CPA6: variants seen among roughly 807,000 people sequenced by gnomAD.
The protein encoded by CPA6 is carboxypeptidase A6.
In CPA6, 58 loss-of-function variants were observed where a neutral mutation model predicts 63.3. That is an observed-to-expected ratio of 0.92 (90% CI 0.74 to 1.14). The LOEUF (loss-of-function observed/expected upper bound fraction) is 1.14, where lower values mean the gene tolerates loss of function less well. Among genes scored for constraint, CPA6 ranks in the 50% most tolerant of loss-of-function variants. The pLI, the probability that CPA6 is intolerant of heterozygous loss-of-function variation, is 0.00. For synonymous variants in CPA6, 185 were observed against 179.0 expected (o/e 1.03, Z -0.27); for missense variants, 565 against 526.6 (o/e 1.07, Z -0.71).
At chr8:67,636,559 C>T (rs563313456) in intron 1 of CPA6, among the ~76,000 whole-genome samples, 1 of 151,560 alleles carries the variant, frequency 6.6e-6, no homozygotes, top group South Asian at 2.1e-4. Flanking sequence ...AAGTCCCTCT[C>T]GCTAAAACCT....
At chr8:67,551,132 TAGGTTTTCTTCTAGAATTCTTATAG>T (rs1812928206) in intron 2 of CPA6, among the ~76,000 whole-genome samples, 2 of 152,160 alleles carry the variant, frequency 1.3e-5, no homozygotes, top group Admixed American at 1.3e-4. Flanking sequence ...TGGTGTTTCC[TAGGTTTTCTTCTAGAATTCTTATAG>T]TTTGAGGTCT....
At chr8:67,490,113 G>A (rs1251708321) in intron 6 of CPA6, among the ~76,000 whole-genome samples, 4 of 152,138 alleles carry the variant, frequency 2.6e-5, no homozygotes, top group Non-Finnish European at 4.4e-5. Flanking sequence ...TACTGAACAG[G>A]ACATTTAGGA....
chr8:67,499,874 C>T (rs1433780923), intron 6 of CPA6, among the ~76,000 whole-genome samples: 1 of 152,268 alleles, frequency 6.6e-6, no homozygotes, highest in South Asian at 2.1e-4. Flanking sequence ...GGATGTACTA[C>T]AGTTTGTTTA....
At chr8:67,530,830 A>C (rs1456129580) in intron 2 of CPA6, among the ~76,000 whole-genome samples, 1 of 152,350 alleles carries the variant, frequency 6.6e-6, no homozygotes, top group Non-Finnish European at 1.5e-5. Context: ...ACACACCAGG[A>C]AAATTTGATA....
At chr8:67,583,736 G>A (rs1813840370) in intron 2 of CPA6, among the ~76,000 whole-genome samples, 1 of 152,124 alleles carries the variant, frequency 6.6e-6, no homozygotes, top group Non-Finnish European at 1.5e-5. Context: ...AGGCGCTTGA[G>A]TTAGTTAGGA....
At chr8:67,488,839 A>G (rs1811543607) in intron 6 of CPA6, among the ~76,000 whole-genome samples, 1 of 152,068 alleles carries the variant, frequency 6.6e-6, no homozygotes, top group African/African-American at 2.4e-5. Context: ...TTCACTCATG[A>G]TTTGGCTCTC....
Position 67,706,151 on chromosome 8 carries a change from A to G in CPA6, c.116+39863T>C, listed in dbSNP as rs1587716233. Among the ~76,000 whole-genome samples, 3 of 152,340 alleles carry G rather than the reference A, an allele frequency of 2.0e-5. 1 individual carries two copies. Among genetic ancestry groups the G allele is most frequent in the South Asian group, 4.1e-4 (2 of 4,828 alleles). On this transcript the variant is annotated intron_variant, in intron 1 of 10. Coordinates refer to ENST00000297770, the MANE Select transcript of CPA6 (RefSeq NM_020361.5). ...AAAACGTTATACAATTTTAAAGGTT[A>G]TTAGGCCTACTAAATGCTTCATAAA...
intron 8 of CPA6, among the ~76,000 whole-genome samples, chr8:67,467,463 T>C (rs1377443078): frequency 6.6e-6 from 1 of 152,160 alleles, no homozygotes; most frequent in Non-Finnish European, 1.5e-5. Flanking sequence ...AGCTGCCAAA[T>C]CTTGGTAAGT....
At chr8:67,583,586 A>C (rs1020325801) in intron 2 of CPA6, among the ~76,000 whole-genome samples, 1 of 152,152 alleles carries the variant, frequency 6.6e-6, no homozygotes, top group Non-Finnish European at 1.5e-5. Context: ...TACAAAATTA[A>C]GTTCCATTGC....
chr8:67,607,269 T>G (rs1489863002), intron 2 of CPA6, among the ~76,000 whole-genome samples: 1 of 142,354 alleles, frequency 7.0e-6, no homozygotes, highest in East Asian at 2.1e-4. Context: ...TCCTCCTTTC[T>G]TCTTTCTTCT....
At chr8:67,702,314 T>G (rs1817042328) in intron 1 of CPA6, among the ~76,000 whole-genome samples, 1 of 152,176 alleles carries the variant, frequency 6.6e-6, no homozygotes, top group Non-Finnish European at 1.5e-5. Flanking sequence ...ATGGAGATAA[T>G]ACCCTTGTAG....
chr8:67,591,847 C>T (rs1029284388), intron 2 of CPA6, among the ~76,000 whole-genome samples: 2 of 152,160 alleles, frequency 1.3e-5, no homozygotes, highest in Admixed American at 6.5e-5. Context: ...GACAATTTGA[C>T]TTCCTCTTTT....
intron 2 of CPA6, among the ~76,000 whole-genome samples, chr8:67,542,940 C>T (rs147637812): frequency 2.4e-3 from 371 of 152,244 alleles, no homozygotes; most frequent in African/African-American, 8.7e-3. Flanking sequence ...CAAACTGCTG[C>T]TATTTACTAG....
intron 1 of CPA6, among the ~76,000 whole-genome samples, chr8:67,710,420 C>G (rs924903240): frequency 6.7e-6 from 1 of 150,128 alleles, no homozygotes; most frequent in Non-Finnish European, 1.5e-5. Flanking sequence ...CCCAACCCCC[C>G]ACCCCGAAAG....
chr8:67,582,973 G>A (rs1348880467), intron 2 of CPA6, among the ~76,000 whole-genome samples: 1 of 152,046 alleles, frequency 6.6e-6, no homozygotes, highest in African/African-American at 2.4e-5. Context: ...GTTGTTTTTG[G>A]TTATACTACA....
intron 2 of CPA6, among the ~76,000 whole-genome samples, chr8:67,612,539 T>C (rs1242017088): frequency 6.6e-6 from 1 of 152,206 alleles, no homozygotes; most frequent in Admixed American, 6.5e-5. Context: ...ATAGTCCATA[T>C]TCAAAATGTA....
intron 2 of CPA6, among the ~76,000 whole-genome samples, chr8:67,575,983 A>C (rs7814573): frequency 0.068 from 10,385 of 152,282 alleles, 644 homozygotes; most frequent in African/African-American, 0.16. Flanking sequence ...GGTATTGAAA[A>C]CAATTGAATT....
At chr8:67,609,360 A>C (rs1371646015) in intron 2 of CPA6, among the ~76,000 whole-genome samples, 1 of 152,226 alleles carries the variant, frequency 6.6e-6, no homozygotes, top group African/African-American at 2.4e-5. Flanking sequence ...CTGGTAGGAG[A>C]ATTAACTTTT....
chr8:67,429,048 A>G (rs898585886), intron 9 of CPA6, among the ~76,000 whole-genome samples: 1 of 152,176 alleles, frequency 6.6e-6, no homozygotes, highest in Non-Finnish European at 1.5e-5. Context: ...TTCAGTAGGA[A>G]TGACTTCTCT....
Sources: gnomAD v4.1 joint callset for allele counts (sites outside exome capture counted in the v4.1 genomes callset) on GRCh38, gnomAD v4.1.1 for gene constraint, MANE v1.5 for transcripts, NCBI Gene and HGNC (gene_info 2026-07-23, HGNC 2026-07-21) for gene names.